Variants in SMYD3 observed in about 807,000 individuals in gnomAD.
The protein encoded by SMYD3 is histone-lysine N-methyltransferase SMYD3.
A neutral mutation model predicts 57.7 loss-of-function variants in SMYD3; 36 were observed. That is an observed-to-expected ratio of 0.62 (90% CI 0.48 to 0.82). The LOEUF is 0.82. Ranked by LOEUF, SMYD3 falls within the 40% of genes least tolerant of loss-of-function variation. The probability of loss-of-function intolerance (pLI) is 0.00; values close to 1 mark genes in which losing one functional copy is unlikely to be tolerated. For missense variants in SMYD3, 515 were observed against 538.8 expected (o/e 0.96, Z 0.44); for synonymous variants, 211 against 195.0 (o/e 1.08, Z -0.68).
At chr1:246,211,837 A>G (rs2063093430) in intron 5 of SMYD3, among the ~76,000 whole-genome samples, 1 of 151,966 alleles carries the variant, frequency 6.6e-6, no homozygotes. Flanking sequence ...TTTCATGTTT[A>G]TTGAATATCT....
intron 1 of SMYD3, among the ~76,000 whole-genome samples, chr1:246,493,981 C>T (rs6703190): frequency 0.038 from 5,716 of 152,250 alleles, 301 homozygotes; most frequent in African/African-American, 0.12. Context: ...TAGCTCAGGC[C>T]TTCATCACTT....
At chr1:246,012,559 C>G (rs539532628) in intron 5 of SMYD3, among the ~76,000 whole-genome samples, 1 of 152,164 alleles carries the variant, frequency 6.6e-6, no homozygotes, top group African/African-American at 2.4e-5. Context: ...CTATCGACAG[C>G]GTGTGCATAT....
At chr1:245,832,523 T>C (rs114062312) in intron 10 of SMYD3, among the ~76,000 whole-genome samples, 2,016 of 55,300 alleles carry the variant, frequency 0.036, 23 homozygotes, top group Non-Finnish European at 0.13. Context: ...AGACGACACC[T>C]GATTATAAGT....
intron 7 of SMYD3, among the ~76,000 whole-genome samples, chr1:245,926,001 G>A (rs946087116): frequency 1.3e-5 from 2 of 152,184 alleles, no homozygotes; most frequent in Admixed American, 1.3e-4. Context: ...TGGAGTCTGG[G>A]AAGCATGATG....
chr1:246,419,617 C>G (rs1174478439), intron 1 of SMYD3, among the ~76,000 whole-genome samples: 4 of 152,170 alleles, frequency 2.6e-5, no homozygotes, highest in Non-Finnish European at 5.9e-5. Context: ...TCCCTTACCC[C>G]CTTCCTCATC....
chr1:246,024,895 G>C (rs370285125), intron 5 of SMYD3, among the ~76,000 whole-genome samples: 9 of 86,096 alleles, frequency 1.0e-4, no homozygotes, highest in East Asian at 5.0e-4. Context: ...GGAGATACAG[G>C]AAGTGGACAG....
At chr1:245,961,003 CCTT>C in intron 5 of SMYD3, among the ~76,000 whole-genome samples, 1 of 152,310 alleles carries the variant, frequency 6.6e-6, no homozygotes, top group Non-Finnish European at 1.5e-5. Context: ...AATCTAACCT[CCTT>C]CTCCCCCAAA....
At chr1:245,990,526 G>T (rs1275724261) in intron 5 of SMYD3, among the ~76,000 whole-genome samples, 2 of 152,206 alleles carry the variant, frequency 1.3e-5, no homozygotes, top group Non-Finnish European at 2.9e-5. Context: ...GAGAAAGGAA[G>T]TATACAGCAC....
chr1:246,494,796 T>A (rs1293874742), intron 1 of SMYD3, among the ~76,000 whole-genome samples: 1 of 152,226 alleles, frequency 6.6e-6, no homozygotes, highest in Non-Finnish European at 1.5e-5. Flanking sequence ...AATTAAAAAT[T>A]CAACATAATT....
intron 10 of SMYD3, among the ~76,000 whole-genome samples, chr1:245,773,904 G>T (rs1222085823): frequency 6.6e-6 from 1 of 152,082 alleles, no homozygotes; most frequent in Non-Finnish European, 1.5e-5. Flanking sequence ...CATTCCTCAA[G>T]AAACTTAACA....
chr1:245,833,639 G>A (rs537042679), intron 10 of SMYD3, among the ~76,000 whole-genome samples: 17 of 152,224 alleles, frequency 1.1e-4, no homozygotes, highest in Non-Finnish European at 2.1e-4. Context: ...TCCACTGCAA[G>A]GTGTAGCAAA....
chr1:245,854,672 T>G (rs1304908792), intron 10 of SMYD3, among the ~76,000 whole-genome samples: 2 of 151,816 alleles, frequency 1.3e-5, no homozygotes, highest in Non-Finnish European at 2.9e-5. Context: ...TAATCCCCAC[T>G]CCTCCATACA....
At chr1:246,307,698 C>T (rs1371590119) in intron 5 of SMYD3, among the ~76,000 whole-genome samples, 6 of 152,084 alleles carry the variant, frequency 3.9e-5, no homozygotes, top group Non-Finnish European at 1.5e-5. Context: ...GGACTACAGG[C>T]GTGAGCCACC....
At chr1:246,122,523 G>A (rs900422135) in intron 5 of SMYD3, among the ~76,000 whole-genome samples, 4 of 152,110 alleles carry the variant, frequency 2.6e-5, no homozygotes, top group African/African-American at 9.7e-5. Context: ...CCAAGGCTCC[G>A]AACATCTGTC....
chr1:245,931,086 G>A (rs555208911), intron 5 of SMYD3, among the ~76,000 whole-genome samples: 5 of 152,324 alleles, frequency 3.3e-5, no homozygotes, highest in African/African-American at 7.2e-5. Context: ...GCTCAAAGAC[G>A]GAGTGGGATC....
chr1:246,361,508 G>A (rs916116593), intron 1 of SMYD3, among the ~76,000 whole-genome samples: 32 of 152,098 alleles, frequency 2.1e-4, no homozygotes, highest in African/African-American at 7.7e-4. Context: ...ATTTATAGCA[G>A]CACAATTTGC....
chr1:245,805,107 T>C (rs2048088754), intron 10 of SMYD3, among the ~76,000 whole-genome samples: 1 of 151,630 alleles, frequency 6.6e-6, no homozygotes, highest in African/African-American at 2.4e-5. Context: ...CACAGATAAA[T>C]TGTAAGAGCC....
At chr1:245,800,386 C>A (rs2047798634) in intron 10 of SMYD3, among the ~76,000 whole-genome samples, 1 of 151,936 alleles carries the variant, frequency 6.6e-6, no homozygotes, top group Non-Finnish European at 1.5e-5. Flanking sequence ...GTCTCTCATG[C>A]TAGAGTGTAA....
rs140419039 is a variant in SMYD3, at chr1:245,810,113, G to A, written c.1077-45964C>T. On this transcript the variant is annotated intron_variant, in intron 10 of 11. Coordinates refer to ENST00000490107, the MANE Select transcript of SMYD3 (RefSeq NM_001167740.2). ...TCTTCCTGCTGCCTGGGCAGGAGGC[G>A]GCCTTGTCTCTTTCCGCAGTACTCT... 2.6e-3 allele frequency among the ~76,000 whole-genome samples: 398 copies of A among 152,232 alleles called. 2 individuals carry two copies. Among genetic ancestry groups the A allele is most frequent in the African/African-American group, 9.0e-3 (374 of 41,528 alleles).
Sources: allele counts gnomAD v4.1 joint callset (sites outside exome capture counted in the v4.1 genomes callset), GRCh38; gene constraint gnomAD v4.1.1; transcripts MANE v1.5; gene names NCBI Gene and HGNC (gene_info 2026-07-23, HGNC 2026-07-21).